B3GALT5: variants seen among roughly 807,000 people sequenced by gnomAD.
The protein encoded by B3GALT5 is UDP-Gal:betaGlcNAc beta 1,3-galactosyltransferase, polypeptide 5.
For missense variants in B3GALT5, 328 were observed against 396.6 expected, an observed-to-expected ratio of 0.83 and a Z score of 1.47; for synonymous variants, 156 against 158.6, an observed-to-expected ratio of 0.98 and a Z score of 0.12.
At chr21:39,657,351 GA>G (rs1438294400) in intron 2 of B3GALT5, 1 of 152,276 alleles carries the variant, frequency 6.6e-6, no homozygotes, top group African/African-American at 2.4e-5. Context: ...CAAGAAGGCA[GA>G]AGAAATGTGA....
At chr21:39,622,399 A>T (rs2079138696) in intron 1 of B3GALT5, among the ~76,000 whole-genome samples, 1 of 152,034 alleles carries the variant, frequency 6.6e-6, no homozygotes, top group Non-Finnish European at 1.5e-5. Flanking sequence ...ATTTTTTGTT[A>T]TATGTTTTGA....
chr21:39,654,643 A>G (rs1168680105), intron 2 of B3GALT5, among the ~76,000 whole-genome samples: 1 of 152,200 alleles, frequency 6.6e-6, no homozygotes, highest in Non-Finnish European at 1.5e-5. Context: ...TCATGAAAGG[A>G]AGAGTCAATT....
intron 3 of B3GALT5, 62 bp from the exon 4 acceptor site, chr21:39,660,498 G>A: frequency 1.5e-6 from 2 of 1,327,456 alleles, no homozygotes; most frequent in Non-Finnish European, 2.0e-6. Context: ...CAGCCTCCTA[G>A]CATAAAACTA....
chr21:39,622,721 G>A (rs1281846565), intron 1 of B3GALT5, among the ~76,000 whole-genome samples: 3 of 151,760 alleles, frequency 2.0e-5, no homozygotes, highest in Non-Finnish European at 2.9e-5. Flanking sequence ...TAATTTCTGA[G>A]GCCTTTGGAT....
chr21:39,632,300 T>G (rs1048145688), intron 1 of B3GALT5, among the ~76,000 whole-genome samples: 4 of 152,204 alleles, frequency 2.6e-5, no homozygotes, highest in Non-Finnish European at 5.9e-5. Flanking sequence ...AATATTCCTG[T>G]GTTAACTATT....
chr21:39,645,428 T>C (rs557460580), intron 1 of B3GALT5, among the ~76,000 whole-genome samples: 1 of 152,208 alleles, frequency 6.6e-6, no homozygotes, highest in Non-Finnish European at 1.5e-5. Context: ...TTCTTTTTCT[T>C]AAGTTCTTCC....
chr21:39,640,001 AG>A (rs1445661782), intron 1 of B3GALT5, among the ~76,000 whole-genome samples: 1 of 146,728 alleles, frequency 6.8e-6, no homozygotes, highest in Non-Finnish European at 1.5e-5. Flanking sequence ...ATGTACCTGG[AG>A]GGCTCATTAG....
intron 2 of B3GALT5, among the ~76,000 whole-genome samples, chr21:39,654,012 T>C (rs2079418529): frequency 6.6e-6 from 1 of 152,242 alleles, no homozygotes; most frequent in South Asian, 2.1e-4. Context: ...TTTGCAATTA[T>C]GAGCAATGCT....
intron 1 of B3GALT5, among the ~76,000 whole-genome samples, chr21:39,645,893 G>A (rs867441257): frequency 6.6e-6 from 1 of 151,394 alleles, no homozygotes; most frequent in East Asian, 1.9e-4. Flanking sequence ...TTAAACAAAG[G>A]TCCCCACATT....
chr21:39,638,946 C>T (rs190853991), intron 1 of B3GALT5, among the ~76,000 whole-genome samples: 12 of 152,238 alleles, frequency 7.9e-5, no homozygotes, highest in East Asian at 7.7e-4. Flanking sequence ...GAGAAGTGAG[C>T]GATAGGTGGA....
At chr21:39,625,192 T>A (rs2079157448) in intron 1 of B3GALT5, among the ~76,000 whole-genome samples, 1 of 152,232 alleles carries the variant, frequency 6.6e-6, no homozygotes, top group Admixed American at 6.5e-5. Context: ...CCAGGGGGTT[T>A]GTCGCATGTT....
intron 2 of B3GALT5, among the ~76,000 whole-genome samples, chr21:39,654,208 G>C (rs543239205): frequency 6.6e-6 from 1 of 152,202 alleles, no homozygotes; most frequent in East Asian, 1.9e-4. Flanking sequence ...AAATACAGTT[G>C]CTTCCCAAGT....
chr21:39,649,996 C>T (rs939683690), intron 2 of B3GALT5, among the ~76,000 whole-genome samples: 2 of 152,162 alleles, frequency 1.3e-5, no homozygotes, highest in Admixed American at 6.5e-5. Flanking sequence ...TGTCAGATCC[C>T]AGTTACTGCT....
rs372616590 is a variant in B3GALT5, at chr21:39,643,305, C to A, written c.-391-3087C>A. ...CAGTGGCTCACGCCTGTAATCCCAG[C>A]CACTTGGGAGGCTGAGGCAGGAGAG... On this transcript the variant is annotated intron_variant, in intron 1 of 3. Transcript: ENST00000684187. Among the ~76,000 whole-genome samples the A allele has an allele frequency of 6.6e-5, 10 of 151,842 alleles. No homozygotes were observed. The East Asian group carries it at 1.8e-3, about 27-fold the overall frequency.
At chr21:39,629,636 C>T (rs2079181746) in intron 1 of B3GALT5, among the ~76,000 whole-genome samples, 2 of 152,154 alleles carry the variant, frequency 1.3e-5, no homozygotes, top group South Asian at 4.1e-4. Flanking sequence ...AAAGCTGCCT[C>T]TGAAAGCAAC....
chr21:39,662,442 G>T lies in B3GALT5; in HGVS notation c.*950G>T, dbSNP rs1223485762. 1 of 167,154 alleles carries T rather than the reference G, an allele frequency of 6.0e-6. No individual in the cohort carries two copies. Among genetic ancestry groups the T allele is most frequent in the African/African-American group, 2.4e-5 (1 of 41,458 alleles). 10.4% of individuals were successfully genotyped at this position (167,154 alleles called of 1,614,324 possible). On this transcript the variant is annotated 3_prime_UTR_variant, in exon 4 of 4. Coordinates refer to ENST00000684187, the MANE Select transcript of B3GALT5 (RefSeq NM_001356336.2). ...ACAGTTGAACTCAGATGGGGTTCAT[G>T]TGGGATTCTGGGAGCTTTCTGGGAA...
intron 1 of B3GALT5, among the ~76,000 whole-genome samples, chr21:39,636,929 T>C (rs2146195500): frequency 6.6e-6 from 1 of 152,284 alleles, no homozygotes; most frequent in Non-Finnish European, 1.5e-5. Flanking sequence ...AGCGGCACCA[T>C]GTTTTTACAC....
At position 39,669,444 on chromosome 21, in the gene B3GALT5, TGACCG is replaced by T. The variant is rs369282062; in HGVS notation, c.*7954_*7958del. 97 of 152,318 alleles carry T rather than the reference TGACCG, an allele frequency of 6.4e-4. No homozygotes were observed. Among genetic ancestry groups the T allele is most frequent in the African/African-American group, 2.3e-3 (95 of 41,574 alleles). The allele number at this position is 152,318 out of a possible 1,614,324, so 9.4% of individuals were successfully genotyped here. ...TTCATCTGTTGAGTGCTCAGTGCTT[TGACCG>T]GGCATCCTGAATGAGGGTCAAGCTG... On this transcript the variant is annotated 3_prime_UTR_variant, in exon 4 of 4. Coordinates refer to ENST00000684187, the MANE Select transcript of B3GALT5 (RefSeq NM_001356336.2).
intron 1 of B3GALT5, among the ~76,000 whole-genome samples, chr21:39,621,470 A>G (rs2079133782): frequency 6.6e-6 from 1 of 151,502 alleles, no homozygotes; most frequent in African/African-American, 2.4e-5. Flanking sequence ...GGCTTGCACA[A>G]AAAGGTTTTT....
Sources: gnomAD v4.1 joint callset for allele counts (sites outside exome capture counted in the v4.1 genomes callset) on GRCh38, gnomAD v4.1.1 for gene constraint, MANE v1.5 for transcripts, NCBI Gene and HGNC (gene_info 2026-07-23, HGNC 2026-07-21) for gene names.